The following LRBA variants were observed in gnomAD, a reference collection of about 807,000 sequenced individuals.
LRBA encodes LPS responsive beige-like anchor protein, also known as lipopolysaccharide-responsive and beige-like anchor protein.
A neutral mutation model predicts 330.0 loss-of-function variants in LRBA; 176 were observed. The ratio of observed to expected loss-of-function variants is 0.53; its 90% CI spans 0.47 to 0.60. LRBA has a LOEUF of 0.60. Among genes scored for constraint, LRBA ranks in the 20% least tolerant of loss-of-function variants. LRBA has a pLI of 0.00. For synonymous variants in LRBA, 1,230 were observed against 1,193.0 expected (o/e 1.03, Z -0.64); for missense variants, 3,259 against 3,444.8 (o/e 0.95, Z 1.35).
At chr4:150,755,276 T>C (rs1362571273) in intron 35 of LRBA, among the ~76,000 whole-genome samples, 1 of 152,230 alleles carries the variant, frequency 6.6e-6, no homozygotes, top group African/African-American at 2.4e-5. Context: ...GTGGGCTATT[T>C]ATATATTTGT....
intron 50 of LRBA, among the ~76,000 whole-genome samples, chr4:150,320,492 G>C (rs1732344960): frequency 6.6e-6 from 1 of 151,824 alleles, no homozygotes; most frequent in Admixed American, 6.6e-5. Flanking sequence ...TACAGTTTCT[G>C]GCACATAATA....
At chr4:150,433,206 A>G (rs1468486394) in intron 46 of LRBA, among the ~76,000 whole-genome samples, 1 of 152,192 alleles carries the variant, frequency 6.6e-6, no homozygotes, top group Non-Finnish European at 1.5e-5. Flanking sequence ...ATAAGGAAGA[A>G]GAAAGGTAAA....
chr4:150,422,773 A>C, intron 46 of LRBA: 1 of 1,398,946 alleles, frequency 7.1e-7, no homozygotes, highest in Non-Finnish European at 1.0e-6. Flanking sequence ...CCAGCTGGGC[A>C]CTGTTCTTTC....
At chr4:150,869,204 C>T (rs555994845) in intron 20 of LRBA, among the ~76,000 whole-genome samples, 4 of 151,868 alleles carry the variant, frequency 2.6e-5, no homozygotes, top group Non-Finnish European at 5.9e-5. Flanking sequence ...CAGGCATGAG[C>T]CACCACGGCC....
rs1047958114 is a variant in LRBA, at chr4:150,339,738, T to C, written c.7362+10254A>G. Among the ~76,000 whole-genome samples, 7 of 152,068 alleles carry C rather than the reference T, an allele frequency of 4.6e-5. No homozygotes were observed. In the East Asian group the frequency reaches 5.8e-4, roughly 13 times the overall value. ...AAATATTCTTCCATGGTAATACATA[T>C]AGATTTACACAGCAACATTTTTGAT... is the stretch of plus-strand genomic sequence containing the variant. On this transcript the variant is annotated intron_variant, in intron 48 of 56. Transcript: ENST00000651943.
At chr4:150,655,339 T>C (rs907182602) in intron 37 of LRBA, among the ~76,000 whole-genome samples, 1 of 152,222 alleles carries the variant, frequency 6.6e-6, no homozygotes, top group Admixed American at 6.5e-5. Flanking sequence ...ATTGTGTAAA[T>C]GTAAAACAGA....
Position 150,805,382 on chromosome 4 carries a change from A to G in LRBA, c.5518+889T>C, listed in dbSNP as rs116499308. Among the ~76,000 whole-genome samples, 174 of 131,760 alleles carry G rather than the reference A, an allele frequency of 1.3e-3. 1 individual carries two copies. The highest frequency in any genetic ancestry group is 2.1e-3 in the Admixed American group (26 of 12,388). 86.4% of individuals were successfully genotyped at this position (131,760 alleles called of 152,430 possible). ...AAAGGAAAGGAAAGGAAGGGAAGGGAAAAGGAAAGGAAAGGAAGGGAAAAG... is the reference window on the plus strand; with the variant it reads ...AAAGGAAAGGAAAGGAAGGGAAGGGGAAAGGAAAGGAAAGGAAGGGAAAAG... On this transcript the variant is annotated intron_variant, in intron 33 of 56. Transcript: ENST00000651943.
chr4:150,567,178 A>G (rs1369476124), intron 40 of LRBA, among the ~76,000 whole-genome samples: 1 of 152,154 alleles, frequency 6.6e-6, no homozygotes, highest in Non-Finnish European at 1.5e-5. Context: ...AATGATAATA[A>G]CAACTGCTAC....
chr4:150,817,050 TAATCAAA>T (rs1744703869), intron 31 of LRBA, 67 bp downstream of exon 31: 2 of 1,382,472 alleles, frequency 1.4e-6, no homozygotes, highest in Admixed American at 3.7e-5. Flanking sequence ...AATTTTAAGT[TAATCAAA>T]AATCTTAAGC....
At chr4:150,388,940 G>T (rs1420379382) in intron 47 of LRBA, among the ~76,000 whole-genome samples, 1 of 152,120 alleles carries the variant, frequency 6.6e-6, no homozygotes, top group Non-Finnish European at 1.5e-5. Flanking sequence ...GACCATGCAG[G>T]TTTCCATCAC....
chr4:150,418,026 T>G (rs1004228210), intron 46 of LRBA, among the ~76,000 whole-genome samples: 2 of 151,590 alleles, frequency 1.3e-5, no homozygotes, highest in Non-Finnish European at 2.9e-5. Flanking sequence ...TTTGTTTTTT[T>G]TTTTTTTGGT....
chr4:150,785,461 G>C (rs1578774707), intron 34 of LRBA, among the ~76,000 whole-genome samples: 1 of 152,122 alleles, frequency 6.6e-6, no homozygotes, highest in African/African-American at 2.4e-5. Context: ...CATTTTACAA[G>C]AACAGTCTAG....
intron 38 of LRBA, among the ~76,000 whole-genome samples, chr4:150,594,056 C>G (rs542829831): frequency 6.6e-6 from 1 of 152,174 alleles, no homozygotes; most frequent in Admixed American, 6.5e-5. Context: ...GTACTGTATG[C>G]ATACACACAC....
chr4:150,692,150 A>G (rs1784197203), intron 36 of LRBA, among the ~76,000 whole-genome samples: 1 of 152,194 alleles, frequency 6.6e-6, no homozygotes, highest in African/African-American at 2.4e-5. Flanking sequence ...CTCAAATTGT[A>G]TACTTAAAAT....
chr4:150,487,091 T>TA (rs1409653194), intron 42 of LRBA, among the ~76,000 whole-genome samples: 1 of 151,780 alleles, frequency 6.6e-6, no homozygotes, highest in East Asian at 1.9e-4. Flanking sequence ...AATGCTGCAA[T>TA]GCAAACAGGA....
intron 51 of LRBA, among the ~76,000 whole-genome samples, chr4:150,314,388 A>T (rs1284298334): frequency 6.6e-6 from 1 of 152,108 alleles, no homozygotes; most frequent in African/African-American, 2.4e-5. Flanking sequence ...ATTTCTGATT[A>T]TACTTGGGGA....
intron 55 of LRBA, among the ~76,000 whole-genome samples, chr4:150,278,886 G>A (rs957376514): frequency 7.3e-5 from 11 of 151,530 alleles, no homozygotes; most frequent in South Asian, 2.1e-4. Flanking sequence ...GTGCAGTGGC[G>A]CAGTCTCAGC....
At chr4:150,435,884 C>A (rs1751045876) in intron 45 of LRBA, among the ~76,000 whole-genome samples, 176 bp from the exon 46 acceptor site, 1 of 151,918 alleles carries the variant, frequency 6.6e-6, no homozygotes, top group Non-Finnish European at 1.5e-5. Context: ...AGTTATTTTT[C>A]CCTCAAAAGA....
At chr4:150,650,444 T>C (rs4619873) in intron 37 of LRBA, among the ~76,000 whole-genome samples, 128,936 of 152,134 alleles carry the variant, frequency 0.85, 56,411 homozygotes, top group Non-Finnish European at 0.95. Flanking sequence ...GAATGAATAT[T>C]TGTTTCCAAA....
Sources: gnomAD v4.1 joint callset for allele counts (sites outside exome capture counted in the v4.1 genomes callset) on GRCh38, gnomAD v4.1.1 for gene constraint, MANE v1.5 for transcripts, NCBI Gene and HGNC (gene_info 2026-07-23, HGNC 2026-07-21) for gene names.